The following INTS4 variants were observed in gnomAD, a reference collection of about 807,000 sequenced individuals.
INTS4 encodes the protein MSTP093.
In INTS4, 70 loss-of-function variants were observed where a neutral mutation model predicts 119.5. The observed-to-expected ratio is 0.59, with a 90% CI of 0.48 to 0.71. INTS4 has a LOEUF of 0.71. INTS4 is among the 30% of genes least tolerant of loss of function. The pLI is 0.00. For synonymous variants in INTS4, 316 were observed against 419.6 expected, an observed-to-expected ratio of 0.75 and a Z score of 3.02; for missense variants, 867 against 1,173.2, an observed-to-expected ratio of 0.74 and a Z score of 3.81.
chr11:77,889,065 G>C (rs900563460), intron 21 of INTS4, among the ~76,000 whole-genome samples: 2 of 152,102 alleles, frequency 1.3e-5, no homozygotes, highest in Non-Finnish European at 2.9e-5. Flanking sequence ...CCCAGTCATC[G>C]CATTACTGGG....
chr11:77,893,896 T>TAAA (rs1400413509), intron 19 of INTS4, among the ~76,000 whole-genome samples: 1 of 144,132 alleles, frequency 6.9e-6, no homozygotes, highest in East Asian at 2.0e-4. Context: ...CTGTCTTAAA[T>TAAA]AAATAAATAA....
chr11:77,914,223 T>C (rs1296901011), intron 15 of INTS4, among the ~76,000 whole-genome samples: 5 of 152,196 alleles, frequency 3.3e-5, no homozygotes, highest in African/African-American at 1.2e-4. Context: ...GACAGTGATC[T>C]GGCCGGCCAC....
intron 8 of INTS4, among the ~76,000 whole-genome samples, chr11:77,944,700 C>T (rs1446557689): frequency 6.6e-6 from 1 of 152,178 alleles, no homozygotes. Flanking sequence ...ATCCAAAATG[C>T]TCCAAAATCC....
At chr11:77,950,405 G>T (rs923971594) in intron 8 of INTS4, among the ~76,000 whole-genome samples, 2 of 151,964 alleles carry the variant, frequency 1.3e-5, no homozygotes, top group African/African-American at 4.8e-5. Context: ...GTATAACAGT[G>T]GTTAGCAGAC....
chr11:77,902,512 C>T (rs1262142441), intron 17 of INTS4, among the ~76,000 whole-genome samples: 4 of 152,148 alleles, frequency 2.6e-5, no homozygotes, highest in African/African-American at 9.7e-5. Flanking sequence ...ATCAGAGGAT[C>T]TGGTCTCAAG....
rs144753810 is a variant in INTS4, at chr11:77,928,996, G to A, written c.1166-449C>T. Among the ~76,000 whole-genome samples the A allele has an allele frequency of 3.3e-5, 5 of 151,196 alleles. No homozygotes were observed. The East Asian group carries it at 9.7e-4, about 29-fold the overall frequency. Reference sequence around the variant, plus strand: ...TGATCGTGCCACTACACTCCATCCTGGTGACAGAGTGGGCCCCTGTCTCAA... The same window carrying A: ...TGATCGTGCCACTACACTCCATCCTAGTGACAGAGTGGGCCCCTGTCTCAA... On this transcript the variant is annotated intron_variant, in intron 10 of 22. Transcript: ENST00000534064.
chr11:77,973,610 T>G (rs549324491), intron 4 of INTS4, among the ~76,000 whole-genome samples: 9 of 152,322 alleles, frequency 5.9e-5, no homozygotes, highest in African/African-American at 1.9e-4. Flanking sequence ...TCCTGACCTA[T>G]TCTATCCTAA....
intron 18 of INTS4, among the ~76,000 whole-genome samples, chr11:77,897,575 A>G (rs1368285622): frequency 6.6e-6 from 1 of 151,174 alleles, no homozygotes; most frequent in African/African-American, 2.4e-5. Context: ...ATCTCAGCTC[A>G]CTGCAAGCTC....
intron 8 of INTS4, among the ~76,000 whole-genome samples, chr11:77,953,372 T>C (rs1954241618): frequency 6.6e-6 from 1 of 152,218 alleles, no homozygotes; most frequent in Non-Finnish European, 1.5e-5. Flanking sequence ...CATAGTATAG[T>C]ACTTTTTAGT....
chr11:77,943,879 C>T (rs1208765130), intron 8 of INTS4, among the ~76,000 whole-genome samples: 2 of 152,184 alleles, frequency 1.3e-5, no homozygotes, highest in Non-Finnish European at 2.9e-5. Flanking sequence ...ATAAGTACAT[C>T]AGACATAAAA....
chr11:77,965,531 CTCTT>C (rs34971352), intron 4 of INTS4, among the ~76,000 whole-genome samples: 1,720 of 152,292 alleles, frequency 0.011, 9 homozygotes, highest in Non-Finnish European at 0.017. Context: ...TCACTCTACT[CTCTT>C]TGAGTTCAAC....
intron 18 of INTS4, among the ~76,000 whole-genome samples, chr11:77,897,667 ATTTT>A: frequency 6.9e-6 from 1 of 145,930 alleles, no homozygotes; most frequent in African/African-American, 2.5e-5. Context: ...CGCCCGGCTA[ATTTT>A]TTTTTTTTTA....
chr11:77,903,494 T>G (rs1952841769), intron 17 of INTS4, 46 bp downstream of exon 17: 1 of 1,608,878 alleles, frequency 6.2e-7, no homozygotes, highest in Non-Finnish European at 8.5e-7. Context: ...GACCAGACAA[T>G]TACTGGACAG....
intron 9 of INTS4, among the ~76,000 whole-genome samples, chr11:77,940,319 T>G (rs1005345512): frequency 2.6e-5 from 4 of 152,098 alleles, no homozygotes; most frequent in African/African-American, 9.7e-5. Context: ...TAGTCCCAGC[T>G]ACTCAGGAGG....
At chr11:77,907,963 T>C (rs189975696) in intron 15 of INTS4, among the ~76,000 whole-genome samples, 153 bp from the exon 16 acceptor site, 3 of 152,196 alleles carry the variant, frequency 2.0e-5, no homozygotes, top group African/African-American at 4.8e-5. Context: ...TATAATAAAA[T>C]TGGTTCACTC....
intron 8 of INTS4, among the ~76,000 whole-genome samples, chr11:77,947,977 G>A (rs1256685381): frequency 6.6e-6 from 1 of 152,144 alleles, no homozygotes; most frequent in Non-Finnish European, 1.5e-5. Context: ...CTGGGTAGCT[G>A]AGACTACAGA....
intron 2 of INTS4, among the ~76,000 whole-genome samples, chr11:77,984,086 T>C (rs114215274): frequency 5.1e-4 from 78 of 152,196 alleles, no homozygotes; most frequent in African/African-American, 1.8e-3. Flanking sequence ...GCCTAACACA[T>C]GGATAAACCT....
chr11:77,922,424 A>C lies in INTS4; in HGVS notation c.1562T>G (p.Leu521Trp). The C allele has an allele frequency of 6.6e-7, 1 of 1,509,386 alleles. No homozygotes were observed. The highest frequency in any genetic ancestry group is 8.9e-7 in the Non-Finnish European group (1 of 1,127,336). 93.5% of individuals were successfully genotyped at this position (1,509,386 alleles called of 1,614,324 possible). A position where few individuals can be genotyped will look rare whatever the true frequency, so the allele number is the denominator to read the frequency against. The change falls in exon 13 of 23, where the codon TTG becomes TGG. Residue 521 changes from leucine to tryptophan, a missense_variant. This residue lies in a region of INTS4 where 51 missense variants were observed against 125.5 expected (regional missense o/e 0.41). Coordinates refer to ENST00000534064, the MANE Select transcript of INTS4 (RefSeq NM_033547.4). ...GSRHPTLVLP[L>W]VPELLSTHPF... ...GTGGGTGCTCAGAAGCTCTGGCACC[A>C]AGGGAAGCACCAGGGTTGGATGCCG...
At chr11:77,948,689 A>C (rs1358746013) in intron 8 of INTS4, among the ~76,000 whole-genome samples, 1 of 144,926 alleles carries the variant, frequency 6.9e-6, no homozygotes, top group Non-Finnish European at 1.5e-5. Context: ...AAGAAGAAGA[A>C]GAAGAAGGAA....
Sources: allele counts gnomAD v4.1 joint callset (sites outside exome capture counted in the v4.1 genomes callset), GRCh38; gene constraint gnomAD v4.1.1; regional missense constraint gnomAD v4.1.1; transcripts MANE v1.5; gene names NCBI Gene and HGNC (gene_info 2026-07-23, HGNC 2026-07-21).